Variants in DIS3L2 observed in about 807,000 individuals in gnomAD.
DIS3L2 encodes the protein DIS3-like exonuclease 2.
In DIS3L2, 34 loss-of-function variants were observed where a neutral mutation model predicts 97.5. That is an observed-to-expected ratio of 0.35 (90% confidence interval 0.27 to 0.46). DIS3L2 has a LOEUF of 0.46. DIS3L2 is among the 20% of genes least tolerant of loss of function. The pLI, the probability that DIS3L2 is intolerant of heterozygous loss-of-function variation, is 1.00. For missense variants in DIS3L2, 1,038 were observed against 1,146.0 expected (o/e 0.91, Z 1.36); for synonymous variants, 435 against 445.2 (o/e 0.98, Z 0.29).
chr2:232,101,590 T>G (rs1003964330), intron 6 of DIS3L2, among the ~76,000 whole-genome samples: 5 of 152,326 alleles, frequency 3.3e-5, no homozygotes, highest in African/African-American at 1.2e-4. Context: ...AGTATCTATC[T>G]CAGGAATTCC....
intron 3 of DIS3L2, among the ~76,000 whole-genome samples, chr2:232,017,957 G>A (rs1694402444): frequency 6.6e-6 from 1 of 152,272 alleles, no homozygotes; most frequent in South Asian, 2.1e-4. Flanking sequence ...TGATGGCAGG[G>A]TCATGTCTTG....
At chr2:231,968,495 C>G (rs1455218398) in intron 1 of DIS3L2, among the ~76,000 whole-genome samples, 1 of 152,216 alleles carries the variant, frequency 6.6e-6, no homozygotes. Context: ...CCTTCTTTCA[C>G]TCAGCATAAT....
intron 9 of DIS3L2, among the ~76,000 whole-genome samples, chr2:232,175,687 G>T (rs1197444449): frequency 6.6e-6 from 1 of 151,990 alleles, no homozygotes; most frequent in Non-Finnish European, 1.5e-5. Context: ...CAGGTAGTGA[G>T]CATAGTACCC....
chr2:232,037,048 G>C lies in DIS3L2; in HGVS notation c.366+6968G>C, dbSNP rs925576651. Among the ~76,000 whole-genome samples, 2 of 152,246 alleles carry C rather than the reference G, an allele frequency of 1.3e-5. No homozygotes were observed. Among genetic ancestry groups the C allele is most frequent in the African/African-American group, 4.8e-5 (2 of 41,454 alleles). ...ATCTGAGGAGGCAATCTGTCCCTTA[G>C]CAGAGCTAGAGCGCTGTGCTGGGAG... On this transcript the variant is annotated intron_variant, in intron 5 of 20. Transcript: ENST00000325385. The surrounding 1 kb of genome is among the most constrained non-coding windows in gnomAD (Gnocchi z 4.6).
intron 6 of DIS3L2, among the ~76,000 whole-genome samples, chr2:232,115,726 C>T (rs1348775190): frequency 6.6e-6 from 1 of 152,164 alleles, no homozygotes; most frequent in Non-Finnish European, 1.5e-5. Context: ...CTTCTCTCTC[C>T]TGCTGCCTTG....
At chr2:232,017,380 T>A (rs1295110857) in intron 3 of DIS3L2, among the ~76,000 whole-genome samples, 2 of 152,218 alleles carry the variant, frequency 1.3e-5, no homozygotes, top group Non-Finnish European at 1.5e-5. Context: ...ATTACAGGCA[T>A]GAGCCACCAC....
Position 232,014,802 on chromosome 2 carries a change from G to A in DIS3L2, c.-93-33G>A, listed in dbSNP as rs566709027. 15 of 991,996 alleles carry A rather than the reference G, an allele frequency of 1.5e-5. 1 individual carries two copies. The South Asian group carries it at 2.3e-4, about 15-fold the overall frequency. 61.4% of individuals were successfully genotyped at this position (991,996 alleles called of 1,614,324 possible). On this transcript the variant is annotated intron_variant, in intron 1 of 20. Transcript: ENST00000325385. ...GGACAGAGGAGGCTACAGCTTAACC[G>A]CTCTCCAATTACCAATCTCTTCTTG... is the stretch of plus-strand genomic sequence containing the variant.
intron 8 of DIS3L2, among the ~76,000 whole-genome samples, chr2:232,146,287 G>A (rs1690215636): frequency 6.6e-6 from 1 of 152,134 alleles, no homozygotes; most frequent in Non-Finnish European, 1.5e-5. Context: ...GGTAGTAAGA[G>A]CTTTACATTT....
At chr2:232,339,582 A>G, downstream of DIS3L2, 1 of 386,342 alleles carries the variant, frequency 2.6e-6, no homozygotes. Context: ...CCGAAGTGAC[A>G]GGTTGGGCTC....
intron 10 of DIS3L2, among the ~76,000 whole-genome samples, chr2:232,232,990 G>T (rs537272656): frequency 9.8e-5 from 15 of 152,292 alleles, no homozygotes; most frequent in African/African-American, 3.6e-4. Context: ...CTAAGGAGGA[G>T]TGTCTCAAGG....
chr2:232,332,480 C>T (rs1475530284), intron 16 of DIS3L2, among the ~76,000 whole-genome samples: 6 of 151,592 alleles, frequency 4.0e-5, no homozygotes, highest in African/African-American at 1.5e-4. Flanking sequence ...GACCTTGGAC[C>T]TCTGCGAGGA....
At chr2:232,030,382 T>C (rs1232252036) in intron 5 of DIS3L2, among the ~76,000 whole-genome samples, 1 of 152,188 alleles carries the variant, frequency 6.6e-6, no homozygotes, top group Non-Finnish European at 1.5e-5. Context: ...AAACTTGGTA[T>C]GTATTATTTT....
At chr2:232,100,552 C>T (rs1697166203) in intron 6 of DIS3L2, among the ~76,000 whole-genome samples, 1 of 151,964 alleles carries the variant, frequency 6.6e-6, no homozygotes, top group African/African-American at 2.4e-5. Flanking sequence ...CTCTATTCTA[C>T]AGATTTTTAT....
intron 12 of DIS3L2, among the ~76,000 whole-genome samples, chr2:232,252,614 G>C (rs781476941): frequency 2.0e-5 from 3 of 152,118 alleles, no homozygotes; most frequent in Non-Finnish European, 4.4e-5. Flanking sequence ...CTCAAAAGTT[G>C]GTTGGGCCAG....
At chr2:231,987,017 A>C (rs1320763756) in intron 1 of DIS3L2, among the ~76,000 whole-genome samples, 1 of 152,202 alleles carries the variant, frequency 6.6e-6, no homozygotes, top group Non-Finnish European at 1.5e-5. Context: ...ACTTTATGGA[A>C]GTATTAAATA....
intron 9 of DIS3L2, among the ~76,000 whole-genome samples, chr2:232,174,460 C>T (rs1691088198): frequency 6.6e-6 from 1 of 151,632 alleles, no homozygotes; most frequent in Non-Finnish European, 1.5e-5. Context: ...GTGGCAGGTG[C>T]CTGTAATCCC....
chr2:232,099,993 T>C (rs1697147033), intron 6 of DIS3L2, among the ~76,000 whole-genome samples: 1 of 152,126 alleles, frequency 6.6e-6, no homozygotes, highest in Non-Finnish European at 1.5e-5. Flanking sequence ...TCTTATCTTA[T>C]TAATCTTTTC....
At chr2:232,335,620 CT>C (rs1181050594) in intron 19 of DIS3L2, 152 bp from the exon 20 acceptor site, 3 of 804,574 alleles carry the variant, frequency 3.7e-6, no homozygotes, top group South Asian at 3.6e-5. Flanking sequence ...TGAAGGTGGC[CT>C]GGCAGGGCCT....
intron 14 of DIS3L2, among the ~76,000 whole-genome samples, chr2:232,323,730 C>T (rs752903788): frequency 1.3e-5 from 2 of 152,176 alleles, no homozygotes; most frequent in Non-Finnish European, 2.9e-5. Context: ...GCGAGAGGCC[C>T]GAGCTGTGAC....
Sources: allele counts gnomAD v4.1 joint callset (sites outside exome capture counted in the v4.1 genomes callset), GRCh38; gene constraint gnomAD v4.1.1; non-coding constraint Gnocchi (gnomAD v3.1); transcripts MANE v1.5; gene names NCBI Gene and HGNC (gene_info 2026-07-23, HGNC 2026-07-21).